HERC1: variants seen among roughly 807,000 people sequenced by gnomAD.
HERC1 encodes HECT and RLD domain containing E3 ubiquitin protein ligase family member 1.
Under a neutral mutation model 554.3 loss-of-function variants are expected in HERC1, and 160 were observed. That is an observed-to-expected ratio of 0.29 (90% CI 0.25 to 0.33). The LOEUF (loss-of-function observed/expected upper bound fraction) is 0.33. Ranked by LOEUF, HERC1 falls within the 10% of genes least tolerant of loss-of-function variation. The pLI is 1.00. For missense variants in HERC1, 4,919 were observed against 5,918.5 expected (o/e 0.83, Z 5.54); for synonymous variants, 2,175 against 2,131.7 (o/e 1.02, Z -0.56).
At chr15:63,793,769 G>A (rs894468588) in intron 1 of HERC1, among the ~76,000 whole-genome samples, 2 of 151,946 alleles carry the variant, frequency 1.3e-5, no homozygotes, top group African/African-American at 2.4e-5. Flanking sequence ...GAACCTCTAT[G>A]GGTTCAGCTA....
chr15:63,784,080 GA>G (rs1373497626), intron 1 of HERC1, among the ~76,000 whole-genome samples: 2 of 138,848 alleles, frequency 1.4e-5, no homozygotes, highest in Non-Finnish European at 3.1e-5. Flanking sequence ...AAAAAAAAAA[GA>G]ATAAAACTCA....
At chr15:63,761,026 A>C (rs2075593855) in intron 3 of HERC1, among the ~76,000 whole-genome samples, 1 of 152,224 alleles carries the variant, frequency 6.6e-6, no homozygotes, top group Admixed American at 6.5e-5. Context: ...TAACATATTT[A>C]AGATAGACAA....
chr15:63,712,984 TAC>T, intron 23 of HERC1, 89 bp from the exon 24 acceptor site: 1 of 1,230,484 alleles, frequency 8.1e-7, no homozygotes. Context: ...AGAGATAATA[TAC>T]ACACACAGGG....
At position 63,634,784 on chromosome 15, in the gene HERC1, G is replaced by C; in HGVS notation, c.12519C>G (p.Asn4173Lys). 6.2e-7 allele frequency: 1 copy of C among 1,613,198 alleles called. No homozygotes were observed. Among genetic ancestry groups the C allele is most frequent in the Non-Finnish European group, 8.5e-7 (1 of 1,179,504 alleles). The change falls in exon 66 of 78, where the codon AAC becomes AAG. Residue 4173 changes from asparagine to lysine, a missense_variant. Coordinates refer to ENST00000443617, the MANE Select transcript of HERC1 (RefSeq NM_003922.4). ...CAGTCACTCTCTCTGGAAGTTTTTT[G>C]TTAGAGGTATTTCCAAGACCCAGAC... ...YGRLGLGNTS[N>K]KKLPERVTAL...
intron 12 of HERC1, among the ~76,000 whole-genome samples, chr15:63,739,613 C>T (rs1013815838): frequency 2.6e-5 from 4 of 151,862 alleles, no homozygotes; most frequent in African/African-American, 9.7e-5. Flanking sequence ...TCGAGGCAGG[C>T]AGATCACCTG....
At position 63,719,717 on chromosome 15, in the gene HERC1, G is replaced by T. The variant is rs569684658; in HGVS notation, c.3743-820C>A. 1.2e-3 allele frequency among the ~76,000 whole-genome samples: 183 copies of T among 152,274 alleles called. 1 individual carries two copies. The highest frequency in any genetic ancestry group is 4.3e-3 in the African/African-American group (180 of 41,560). On this transcript the variant is annotated intron_variant, in intron 19 of 77. Transcript: ENST00000443617. ...CTGGAGAGTCCACATGCATTTTGAA[G>T]GCAGAATTGACAGAATTTGTTGATA...
chr15:63,694,311 C>T lies in HERC1; in HGVS notation c.5480+1G>A. The T allele has an allele frequency of 6.2e-7, 1 of 1,611,106 alleles. No homozygotes were observed. The highest frequency in any genetic ancestry group is 8.5e-7 in the Non-Finnish European group (1 of 1,178,358). ...TCTACAAAGACATCTACCATACTTACCCAGTAGTGATGGCTAGAATCTGGA... is the reference window on the plus strand; with the variant it reads ...TCTACAAAGACATCTACCATACTTATCCAGTAGTGATGGCTAGAATCTGGA... On this transcript the variant is annotated splice_donor_variant, in intron 29 of 77. Coordinates refer to ENST00000443617, the MANE Select transcript of HERC1 (RefSeq NM_003922.4). LOFTEE classifies it high-confidence loss of function. The surrounding 1 kb of genome is among the most constrained non-coding windows in gnomAD (Gnocchi z 4.3).
In HERC1 at chr15:63,644,999, T is replaced by A; in HGVS notation, c.11177A>T (p.Asn3726Ile). 1 of 1,609,204 alleles carries A rather than the reference T, an allele frequency of 6.2e-7. No individual in the cohort carries two copies. The highest frequency in any genetic ancestry group is 8.5e-7 in the Non-Finnish European group (1 of 1,175,512). ...SAEGWWEQES[N>I]CQDGYRKSSG... ...AAAACACCAGAATGTTACCTGGCAA[T>A]TTGATTCCTGCTCCCACCATCCTTC... The change falls in exon 57 of 78, where the codon AAT becomes ATT. Residue 3726 changes from asparagine (N) to isoleucine (I), a missense_variant. This residue lies in a region of HERC1 where 1,963 missense variants were observed against 2,228.6 expected (regional missense o/e 0.88). Transcript: ENST00000443617.
At position 63,798,649 on chromosome 15, in the gene HERC1, G is replaced by T. The variant is rs183352773; in HGVS notation, c.-26-23000C>A. On this transcript the variant is annotated intron_variant, in intron 1 of 77. Coordinates refer to ENST00000443617, the MANE Select transcript of HERC1 (RefSeq NM_003922.4). ...CTCACTTTGACCTACAATTATTTAG[G>T]ATTGTCACTCCCCTAACAGATAATG... 3.2e-3 allele frequency among the ~76,000 whole-genome samples: 490 copies of T among 151,908 alleles called. 2 individuals are homozygous for T. Among genetic ancestry groups the T allele is most frequent in the Non-Finnish European group, 4.9e-3 (335 of 67,978 alleles).
intron 1 of HERC1, among the ~76,000 whole-genome samples, chr15:63,807,010 T>C (rs1172092230): frequency 4.6e-5 from 7 of 152,164 alleles, no homozygotes; most frequent in Non-Finnish European, 7.3e-5. Flanking sequence ...CCTCCCAAAG[T>C]GCTGGGATTA....
At chr15:63,811,260 T>C (rs1172650044) in intron 1 of HERC1, among the ~76,000 whole-genome samples, 3 of 152,204 alleles carry the variant, frequency 2.0e-5, no homozygotes, top group Non-Finnish European at 4.4e-5. Context: ...TCCTTCTTCT[T>C]AGAAGATACA....
chr15:63,796,290 A>T (rs74019019), intron 1 of HERC1, among the ~76,000 whole-genome samples: 1,879 of 152,312 alleles, frequency 0.012, 35 homozygotes, highest in African/African-American at 0.043. Context: ...ATCTTCTGCA[A>T]CTTTTAATAA....
chr15:63,770,809 G>A (rs538047161), intron 2 of HERC1, among the ~76,000 whole-genome samples: 1 of 152,314 alleles, frequency 6.6e-6, no homozygotes, highest in Admixed American at 6.5e-5. Flanking sequence ...ATTCAAGACG[G>A]GGAGGATCAG....
At chr15:63,805,290 AC>A (rs1419555517) in intron 1 of HERC1, among the ~76,000 whole-genome samples, 1 of 152,210 alleles carries the variant, frequency 6.6e-6, no homozygotes, top group African/African-American at 2.4e-5. Context: ...GTTATTCATT[AC>A]AAGCAAAATG....
chr15:63,812,802 T>A (rs2077372374), intron 1 of HERC1, among the ~76,000 whole-genome samples: 1 of 151,736 alleles, frequency 6.6e-6, no homozygotes, highest in African/African-American at 2.4e-5. Flanking sequence ...AACGAAAAAA[T>A]TATTAAGGAA....
At chr15:63,645,367 T>C in intron 56 of HERC1, 116 bp downstream of exon 56, 1 of 761,634 alleles carries the variant, frequency 1.3e-6, no homozygotes, top group South Asian at 1.9e-5. Flanking sequence ...TTACACATTA[T>C]AAGAATAGCA....
Position 63,749,113 on chromosome 15 carries a change from G to C in HERC1, c.2219+254C>G, listed in dbSNP as rs914516189. ...TAAATCAGCATGTAGAGATGAGAGAGAACTCAAAATGTTTAAAAGACAATG... is the reference window on the plus strand; with the variant it reads ...TAAATCAGCATGTAGAGATGAGAGACAACTCAAAATGTTTAAAAGACAATG... On this transcript the variant is annotated intron_variant, in intron 10 of 77. Coordinates refer to ENST00000443617, the MANE Select transcript of HERC1 (RefSeq NM_003922.4). This position sits in a 1 kb window ranked among gnomAD's most constrained non-coding sequence, Gnocchi z 4.1. Among the ~76,000 whole-genome samples, 1 of 152,136 alleles carries C rather than the reference G, an allele frequency of 6.6e-6. No individual in the cohort carries two copies. Among genetic ancestry groups the C allele is most frequent in the African/African-American group, 2.4e-5 (1 of 41,438 alleles).
intron 12 of HERC1, among the ~76,000 whole-genome samples, chr15:63,741,529 G>C (rs1288467603): frequency 1.3e-5 from 2 of 152,020 alleles, no homozygotes; most frequent in Non-Finnish European, 2.9e-5. Context: ...GGCTGGTCTT[G>C]AACTCGACTT....
At chr15:63,821,753 A>T (rs1277632285) in intron 1 of HERC1, among the ~76,000 whole-genome samples, 2 of 146,958 alleles carry the variant, frequency 1.4e-5, no homozygotes, top group Non-Finnish European at 3.0e-5. Context: ...AAAAAAAATC[A>T]GATAATCTAA....
Sources: allele counts gnomAD v4.1 joint callset (sites outside exome capture counted in the v4.1 genomes callset), GRCh38; gene constraint gnomAD v4.1.1; regional missense constraint gnomAD v4.1.1; non-coding constraint Gnocchi (gnomAD v3.1); transcripts MANE v1.5; gene names NCBI Gene and HGNC (gene_info 2026-07-23, HGNC 2026-07-21).